DNAI1: variants seen among roughly 807,000 people sequenced by gnomAD.
DNAI1 encodes dynein axonemal intermediate chain 1.
DNAI1 carries 67 observed loss-of-function variants against 92.0 expected under a neutral mutation model. The observed-to-expected ratio is 0.73, with a 90% CI of 0.60 to 0.89. The LOEUF is 0.89. DNAI1 is among the 40% of genes least tolerant of loss of function. The pLI is 0.00. For missense variants in DNAI1, 839 were observed against 866.6 expected (o/e 0.97, Z 0.40); for synonymous variants, 323 against 319.6 (o/e 1.01, Z -0.11).
Position 34,506,767 on chromosome 9 carries a change from G to T in DNAI1, c.1204G>T (p.Gly402Cys). 6.2e-7 allele frequency: 1 copy of T among 1,614,180 alleles called. No individual in the cohort carries two copies. The highest frequency in any genetic ancestry group is 1.7e-5 in the Admixed American group (1 of 60,030). Reference protein sequence around the residue: ...HVDHPYLVAVGHYDGNVAIYN... With the variant: ...HVDHPYLVAVCHYDGNVAIYN... Reference sequence around the variant, plus strand: ...GGACCACCCCTACCTGGTGGCAGTAGGCCACTATGACGGCAACGTGGCCAT... The same window carrying T: ...GGACCACCCCTACCTGGTGGCAGTATGCCACTATGACGGCAACGTGGCCAT... The change falls in exon 13 of 20, where the codon GGC becomes TGC. Residue 402 changes from glycine to cysteine, a missense_variant. Physicochemically the swap from Gly to Cys is radical, Grantham distance 159. Coordinates refer to ENST00000242317, the MANE Select transcript of DNAI1 (RefSeq NM_012144.4).
chr9:34,483,105 G>A (rs1422334409), intron 1 of DNAI1, among the ~76,000 whole-genome samples: 1 of 152,200 alleles, frequency 6.6e-6, no homozygotes, highest in Non-Finnish European at 1.5e-5. Flanking sequence ...CAGCTGGCCC[G>A]CAAGCACCGC....
At chr9:34,512,738 C>A (rs1825091316) in intron 15 of DNAI1, among the ~76,000 whole-genome samples, 1 of 152,328 alleles carries the variant, frequency 6.6e-6, no homozygotes, top group East Asian at 1.9e-4. Flanking sequence ...CCTGTTTACT[C>A]AATTCCTACC....
intron 1 of DNAI1, among the ~76,000 whole-genome samples, chr9:34,472,601 A>G (rs1824160546): frequency 6.6e-6 from 1 of 152,210 alleles, no homozygotes; most frequent in South Asian, 2.1e-4. Context: ...AGTAATGCAT[A>G]TTCACATTTA....
At chr9:34,481,000 G>A (rs1189516015) in intron 1 of DNAI1, among the ~76,000 whole-genome samples, 1 of 151,776 alleles carries the variant, frequency 6.6e-6, no homozygotes, top group Non-Finnish European at 1.5e-5. Flanking sequence ...CAGCACTTTG[G>A]GAAGCCAAGG....
At chr9:34,513,063 G>A in intron 15 of DNAI1, 49 bp from the exon 16 acceptor site, 1 of 1,492,286 alleles carries the variant, frequency 6.7e-7, no homozygotes, top group Non-Finnish European at 9.3e-7. Context: ...GGCACTGGGA[G>A]CCTCCCTCTT....
chr9:34,514,355 C>G, intron 16 of DNAI1, 39 bp from the exon 17 acceptor site: 1 of 1,609,732 alleles, frequency 6.2e-7, no homozygotes, highest in Non-Finnish European at 8.5e-7. Flanking sequence ...GGCTGCTGAC[C>G]TTTCTCTCAC....
chr9:34,475,901 C>T (rs1442673794), intron 1 of DNAI1, among the ~76,000 whole-genome samples: 5 of 152,056 alleles, frequency 3.3e-5, no homozygotes, highest in East Asian at 1.9e-4. Flanking sequence ...CACTAAAATA[C>T]GCTCAGGGAC....
chr9:34,519,904 G>T (rs1294649834), intron 19 of DNAI1, among the ~76,000 whole-genome samples: 4 of 152,214 alleles, frequency 2.6e-5, no homozygotes, highest in Non-Finnish European at 5.9e-5. Flanking sequence ...ACTGGTGCTG[G>T]TCTGCCAAGG....
At position 34,497,264 on chromosome 9, in the gene DNAI1, G is replaced by A. The variant is rs370007289; in HGVS notation, c.901+65G>A. On this transcript the variant is annotated intron_variant, in intron 10 of 19. Transcript: ENST00000242317. Reference sequence around the variant, plus strand: ...ATTAAAAATTTCTCATAAAAGCTTGGGTTATTTGGGTGTCTCTTGCTAGCT... The same window carrying A: ...ATTAAAAATTTCTCATAAAAGCTTGAGTTATTTGGGTGTCTCTTGCTAGCT... 8.9e-5 allele frequency: 114 copies of A among 1,285,810 alleles called. No homozygotes were observed. In the African/African-American group the frequency reaches 1.3e-3, roughly 15 times the overall value. 79.7% of individuals were successfully genotyped at this position (1,285,810 alleles called of 1,614,324 possible).
At chr9:34,502,036 T>G (rs148365624) in intron 12 of DNAI1, among the ~76,000 whole-genome samples, 1 of 152,332 alleles carries the variant, frequency 6.6e-6, no homozygotes, top group East Asian at 1.9e-4. Context: ...GTTCTCTGGC[T>G]GGGAGGATCA....
intron 8 of DNAI1, among the ~76,000 whole-genome samples, chr9:34,492,549 T>G (rs1443387257): frequency 7.4e-6 from 1 of 135,308 alleles, no homozygotes; most frequent in East Asian, 2.2e-4. Flanking sequence ...AGACAAGGCC[T>G]TGCTCTGTCA....
In DNAI1 at chr9:34,517,326, C is replaced by T; in HGVS notation, c.1860C>T (p.Ile620=). ...TAGCCATCAACAAGTATGAGGCCAT[C>T]TGCAACCAGCCTGTGGCGGCCAAAA... The part of the protein sequence containing the change: ...FDLAINKYEA[I]CNQPVAAKKN... The change falls in exon 19 of 20, where the codon ATC becomes ATT. Residue 620 remains isoleucine, a synonymous_variant. Coordinates refer to ENST00000242317, the MANE Select transcript of DNAI1 (RefSeq NM_012144.4). 1 of 1,614,128 alleles carries T rather than the reference C, an allele frequency of 6.2e-7. No homozygotes were observed. The highest frequency in any genetic ancestry group is 8.5e-7 in the Non-Finnish European group (1 of 1,180,034).
intron 10 of DNAI1, 125 bp from the exon 11 acceptor site, chr9:34,500,597 G>C: frequency 1.4e-6 from 1 of 700,766 alleles, no homozygotes; most frequent in Non-Finnish European, 2.6e-6. Context: ...ATAGGTAGTA[G>C]TATTATTCCC....
At chr9:34,478,166 C>T (rs1050220462) in intron 1 of DNAI1, among the ~76,000 whole-genome samples, 2 of 151,968 alleles carry the variant, frequency 1.3e-5, no homozygotes, top group Admixed American at 1.3e-4. Context: ...GTATTACAGG[C>T]GTGAGCCACA....
At position 34,496,929 on chromosome 9, in the gene DNAI1, G is replaced by T. The variant is rs1008851722; in HGVS notation, c.817-186G>T. ...CCTTTGTGCCACTTGTGAGGTAGGA[G>T]TTCCTAGAAGAGGGTAGTGGCATGA... On this transcript the variant is annotated intron_variant, in intron 9 of 19. Coordinates refer to ENST00000242317, the MANE Select transcript of DNAI1 (RefSeq NM_012144.4). 7.9e-5 allele frequency among the ~76,000 whole-genome samples: 12 copies of T among 152,338 alleles called. No individual in the cohort carries two copies. The Middle Eastern group carries it at 0.01, about 130-fold the overall frequency.
chr9:34,513,269 C>A, intron 16 of DNAI1, 78 bp downstream of exon 16: 1 of 1,143,678 alleles, frequency 8.7e-7, no homozygotes, highest in Non-Finnish European at 1.3e-6. Context: ...CTCAACAGAT[C>A]CTATTTTGAT....
At chr9:34,487,420 C>T (rs1344067064) in intron 4 of DNAI1, among the ~76,000 whole-genome samples, 1 of 152,078 alleles carries the variant, frequency 6.6e-6, no homozygotes, top group Non-Finnish European at 1.5e-5. Flanking sequence ...CTCCTGACCT[C>T]ATGATCTGCC....
intron 13 of DNAI1, among the ~76,000 whole-genome samples, chr9:34,507,331 A>G (rs1460651227): frequency 1.3e-5 from 2 of 152,226 alleles, no homozygotes; most frequent in South Asian, 2.1e-4. Context: ...CCTTACTGAC[A>G]ACAGTCAAAT....
At chr9:34,520,257 C>T (rs1004539696) in intron 19 of DNAI1, among the ~76,000 whole-genome samples, 2 of 152,156 alleles carry the variant, frequency 1.3e-5, no homozygotes, top group African/African-American at 4.8e-5. Flanking sequence ...CCCATTAGCT[C>T]CTTGATAGGT....
Sources: gnomAD v4.1 joint callset for allele counts (sites outside exome capture counted in the v4.1 genomes callset) on GRCh38, gnomAD v4.1.1 for gene constraint, MANE v1.5 for transcripts, NCBI Gene and HGNC (gene_info 2026-07-23, HGNC 2026-07-21) for gene names.